The following KCNB2 variants were observed in gnomAD, a reference collection of about 807,000 sequenced individuals.
KCNB2 encodes delayed rectifier potassium channel protein.
In KCNB2, 15 loss-of-function variants were observed where a neutral mutation model predicts 61.5. The ratio of observed to expected loss-of-function variants is 0.24; its 90% CI spans 0.16 to 0.38. KCNB2 has a LOEUF of 0.38. KCNB2 is among the 10% of genes least tolerant of loss of function. The pLI, the probability that KCNB2 is intolerant of heterozygous loss-of-function variation, is 1.00. For synonymous variants in KCNB2, 457 were observed against 446.0 expected, an observed-to-expected ratio of 1.02 and a Z score of -0.31; for missense variants, 828 against 1,125.2, an observed-to-expected ratio of 0.74 and a Z score of 3.78.
chr8:72,858,247 A>G (rs13281472), intron 2 of KCNB2, among the ~76,000 whole-genome samples: 27,489 of 152,148 alleles, frequency 0.18, 3,174 homozygotes, highest in Non-Finnish European at 0.26. Context: ...AACATTTTTT[A>G]AAGTATAATA....
chr8:72,582,749 A>G (rs567904892), intron 2 of KCNB2, among the ~76,000 whole-genome samples: 35 of 152,192 alleles, frequency 2.3e-4, no homozygotes. Flanking sequence ...AGTAGCTGGG[A>G]CTATAGATGA....
chr8:72,855,416 G>A (rs1810191045), intron 2 of KCNB2, among the ~76,000 whole-genome samples: 1 of 151,950 alleles, frequency 6.6e-6, no homozygotes, highest in South Asian at 2.1e-4. Context: ...CAGTCTTCTG[G>A]CCTTTCTTCT....
chr8:72,561,191 T>C (rs938037016), intron 1 of KCNB2, among the ~76,000 whole-genome samples: 1 of 151,688 alleles, frequency 6.6e-6, no homozygotes, highest in African/African-American at 2.4e-5. Flanking sequence ...AGAGTCTTGC[T>C]CTGTCACTAG....
chr8:72,544,207 A>G (rs1444585090), intron 1 of KCNB2, among the ~76,000 whole-genome samples: 1 of 152,188 alleles, frequency 6.6e-6, no homozygotes, highest in Non-Finnish European at 1.5e-5. Flanking sequence ...TTGCAAAGCA[A>G]TGTCATAAAA....
chr8:72,677,084 A>T (rs1039646607), intron 2 of KCNB2, among the ~76,000 whole-genome samples: 13 of 125,652 alleles, frequency 1.0e-4, no homozygotes, highest in African/African-American at 4.1e-4. Context: ...GCATGCCTAT[A>T]AAAAGGAGAA....
chr8:72,771,319 A>G (rs1808554036), intron 2 of KCNB2, among the ~76,000 whole-genome samples: 1 of 152,216 alleles, frequency 6.6e-6, no homozygotes, highest in Non-Finnish European at 1.5e-5. Flanking sequence ...TTTCTTAAAT[A>G]TTTAATTTGC....
At chr8:72,627,550 GT>G (rs1290108371) in intron 2 of KCNB2, among the ~76,000 whole-genome samples, 18 of 152,050 alleles carry the variant, frequency 1.2e-4, no homozygotes, top group South Asian at 4.2e-4. Context: ...AAAATGTCTT[GT>G]TTTTTTTATG....
At chr8:72,829,462 T>C (rs1254255820) in intron 2 of KCNB2, among the ~76,000 whole-genome samples, 1 of 152,224 alleles carries the variant, frequency 6.6e-6, no homozygotes, top group African/African-American at 2.4e-5. Context: ...AAAGAGTAGA[T>C]GGGATAACAA....
At chr8:72,793,413 TAAG>T (rs1000585785) in intron 2 of KCNB2, among the ~76,000 whole-genome samples, 6 of 152,266 alleles carry the variant, frequency 3.9e-5, no homozygotes, top group African/African-American at 1.4e-4. Context: ...TGTGAAAATC[TAAG>T]GAGAACACAT....
chr8:72,552,212 C>G (rs375176619), intron 1 of KCNB2, among the ~76,000 whole-genome samples: 41 of 152,170 alleles, frequency 2.7e-4, no homozygotes, highest in African/African-American at 9.4e-4. Flanking sequence ...AAAACATGTT[C>G]TTCCAACAGA....
intron 2 of KCNB2, chr8:72,619,393 T>G (rs1805678497): frequency 1.9e-5 from 9 of 480,642 alleles, no homozygotes; most frequent in Non-Finnish European, 3.3e-5. Flanking sequence ...TTTCAAGTCA[T>G]GTATTACCAG....
intron 2 of KCNB2, among the ~76,000 whole-genome samples, chr8:72,754,328 T>C (rs1256716130): frequency 6.6e-6 from 1 of 152,080 alleles, no homozygotes; most frequent in Non-Finnish European, 1.5e-5. Context: ...GCCCCCTAGG[T>C]CTAACTCAAG....
intron 2 of KCNB2, among the ~76,000 whole-genome samples, chr8:72,761,609 A>AGAATACAATATGTCAATTG (rs1808382918): frequency 6.6e-6 from 1 of 152,216 alleles, no homozygotes; most frequent in Admixed American, 6.5e-5. Flanking sequence ...TGTCAGCACT[A>AGAATACAATATGTCAATTG]GAATACAATA....
intron 2 of KCNB2, among the ~76,000 whole-genome samples, chr8:72,720,316 T>C (rs1286186743): frequency 1.3e-5 from 2 of 152,184 alleles, no homozygotes; most frequent in Admixed American, 6.5e-5. Context: ...CTTCTTTCCA[T>C]TTCCTCATCT....
intron 2 of KCNB2, among the ~76,000 whole-genome samples, chr8:72,897,903 C>T (rs1806018987): frequency 1.3e-5 from 2 of 152,086 alleles, no homozygotes; most frequent in South Asian, 4.1e-4. Flanking sequence ...GAGGGTACAT[C>T]TTGGAGAAAA....
At chr8:72,819,606 G>C (rs892582526) in intron 2 of KCNB2, among the ~76,000 whole-genome samples, 7 of 152,196 alleles carry the variant, frequency 4.6e-5, no homozygotes, top group African/African-American at 1.7e-4. Context: ...ATTCCCTTAA[G>C]GATGCTGAGA....
At chr8:72,894,999 C>T (rs937386855) in intron 2 of KCNB2, among the ~76,000 whole-genome samples, 4 of 152,072 alleles carry the variant, frequency 2.6e-5, no homozygotes, top group African/African-American at 9.7e-5. Flanking sequence ...TCCTGTGATC[C>T]ACTGGACCCT....
At chr8:72,824,685 T>A (rs1188663032) in intron 2 of KCNB2, among the ~76,000 whole-genome samples, 1 of 152,074 alleles carries the variant, frequency 6.6e-6, no homozygotes, top group Non-Finnish European at 1.5e-5. Flanking sequence ...TAGATACTGG[T>A]TAATGATGTC....
chr8:72,824,106 G>A (rs1809556967), intron 2 of KCNB2, among the ~76,000 whole-genome samples: 1 of 152,096 alleles, frequency 6.6e-6, no homozygotes, highest in Non-Finnish European at 1.5e-5. Flanking sequence ...TATTTCATGT[G>A]GCAAACACAG....
Sources: gnomAD v4.1 joint callset for allele counts (sites outside exome capture counted in the v4.1 genomes callset) on GRCh38, gnomAD v4.1.1 for gene constraint, MANE v1.5 for transcripts, NCBI Gene and HGNC (gene_info 2026-07-23, HGNC 2026-07-21) for gene names.